Variants in EFHC1 observed in about 807,000 individuals in gnomAD.
EFHC1 encodes EF-hand domain-containing protein 1.
EFHC1 carries 53 observed loss-of-function variants against 69.9 expected under a neutral mutation model. That is an observed-to-expected ratio of 0.76 (90% CI 0.61 to 0.95). EFHC1 has a LOEUF of 0.95. Among genes scored for constraint, EFHC1 ranks in the 40% least tolerant of loss-of-function variants. The probability of loss-of-function intolerance (pLI) is 0.00; values close to 1 mark genes in which losing one functional copy is unlikely to be tolerated. For synonymous variants in EFHC1, 256 were observed against 278.4 expected (o/e 0.92, Z 0.80); for missense variants, 739 against 798.7 (o/e 0.93, Z 0.90).
In EFHC1 at chr6:52,497,058, A is replaced by G. The variant is rs976224130; in HGVS notation, c.*4717A>G. 1.3e-5 allele frequency: 2 copies of G among 152,188 alleles called. No homozygotes were observed. Among genetic ancestry groups the G allele is most frequent in the African/African-American group, 4.8e-5 (2 of 41,438 alleles). The allele number at this position is 152,188 out of a possible 1,614,324, so 9.4% of individuals were successfully genotyped here. On this transcript the variant is annotated 3_prime_UTR_variant, in exon 11 of 11. Transcript: ENST00000371068. ...CCCCATTTCCTCCAAGCTAAATAAC[A>G]TCATAGTATAGTAGGCATCAAGGAT...
At chr6:52,448,552 G>A (rs1221224762) in intron 3 of EFHC1, among the ~76,000 whole-genome samples, 1 of 151,978 alleles carries the variant, frequency 6.6e-6, no homozygotes, top group Non-Finnish European at 1.5e-5. Flanking sequence ...TGCTCCGTGG[G>A]CTGCACCCAC....
chr6:52,479,681 GT>G lies in EFHC1; in HGVS notation c.1538del (p.Leu513Ter), dbSNP rs1765629071. 3.1e-6 allele frequency: 5 copies of G among 1,614,194 alleles called. No individual in the cohort carries two copies. The East Asian group carries it at 1.1e-4, about 36-fold the overall frequency. Reference sequence around the variant, plus strand: ...CATCATCCTTGATACAGACGAGTATGTTTTGAAATACATGGAGAGCAACGCT... The same window carrying G: ...CATCATCCTTGATACAGACGAGTATGTTTGAAATACATGGAGAGCAACGCT... ...RFIILDTDEY[V>X]LKYMESNAAQ... is the part of the protein sequence containing the mutation. On this transcript the variant is annotated frameshift_variant, in exon 9 of 11. Coordinates refer to ENST00000371068, the MANE Select transcript of EFHC1 (RefSeq NM_018100.4). LOFTEE classifies it high-confidence loss of function.
At chr6:52,489,024 T>C (rs1364590559) in intron 9 of EFHC1, 1 of 152,264 alleles carries the variant, frequency 6.6e-6, no homozygotes, top group Non-Finnish European at 1.5e-5. Context: ...GCTGGACTTT[T>C]GCTTCATGTT....
intron 9 of EFHC1, chr6:52,481,851 G>T (rs1018929213): frequency 3.3e-5 from 5 of 152,106 alleles, no homozygotes; most frequent in African/African-American, 1.2e-4. Flanking sequence ...CTAAAGAAAA[G>T]AATGGCTCTA....
At chr6:52,424,808 C>T (rs1303482203) in intron 2 of EFHC1, among the ~76,000 whole-genome samples, 1 of 152,190 alleles carries the variant, frequency 6.6e-6, no homozygotes, top group Non-Finnish European at 1.5e-5. Context: ...TAGCCCTGAC[C>T]ATGTAGCAGA....
At chr6:52,478,997 C>G in intron 7 of EFHC1, 40 bp from the exon 8 acceptor site, 2 of 1,595,194 alleles carry the variant, frequency 1.3e-6, no homozygotes, top group Non-Finnish European at 1.7e-6. Context: ...CTGCATAGAC[C>G]ATGAACCTTC....
chr6:52,443,295 C>T (rs952726127), intron 3 of EFHC1, among the ~76,000 whole-genome samples: 7 of 152,102 alleles, frequency 4.6e-5, no homozygotes, highest in African/African-American at 1.7e-4. Context: ...AGTTTAATTA[C>T]ATCCCATTGG....
intron 10 of EFHC1, 95 bp downstream of exon 10, chr6:52,490,445 G>A: frequency 9.4e-7 from 1 of 1,063,956 alleles, no homozygotes; most frequent in South Asian, 1.3e-5. Flanking sequence ...CTACAACTGG[G>A]CCAGATTTAG....
chr6:52,486,969 A>G (rs991590282), intron 9 of EFHC1: 9 of 152,136 alleles, frequency 5.9e-5, no homozygotes, highest in African/African-American at 1.9e-4. Flanking sequence ...AGGCAATTAT[A>G]TGAGAGAATA....
chr6:52,471,565 A>C (rs1376625196), intron 7 of EFHC1, among the ~76,000 whole-genome samples: 1 of 152,190 alleles, frequency 6.6e-6, no homozygotes, highest in Non-Finnish European at 1.5e-5. Flanking sequence ...AGATACTGGC[A>C]CTATGAAACT....
intron 3 of EFHC1, among the ~76,000 whole-genome samples, chr6:52,445,084 T>C (rs1764750142): frequency 6.6e-6 from 1 of 151,082 alleles, no homozygotes; most frequent in African/African-American, 2.4e-5. Context: ...TTTTTTGGTG[T>C]AGAGGTGTTT....
chr6:52,462,885 CA>C (rs777016070), intron 5 of EFHC1, among the ~76,000 whole-genome samples: 7,785 of 85,348 alleles, frequency 0.091, 175 homozygotes, highest in South Asian at 0.15. Flanking sequence ...AAGACTGTCT[CA>C]AAAAAAAAAA....
intron 4 of EFHC1, chr6:52,453,224 A>T: frequency 7.7e-7 from 1 of 1,294,122 alleles, no homozygotes; most frequent in Non-Finnish European, 1.0e-6. Context: ...TTTCACAAAT[A>T]TGCATACATG....
At chr6:52,421,224 T>C (rs939281737) in intron 1 of EFHC1, among the ~76,000 whole-genome samples, 5 of 152,200 alleles carry the variant, frequency 3.3e-5, no homozygotes, top group African/African-American at 1.2e-4. Flanking sequence ...CAAAGCATCT[T>C]TCCCTGCTTT....
intron 5 of EFHC1, 100 bp from the exon 6 acceptor site, chr6:52,464,795 C>T (rs1243159636): frequency 2.1e-6 from 2 of 972,812 alleles, no homozygotes; most frequent in African/African-American, 1.6e-5. Flanking sequence ...CAAAAGACTG[C>T]ACTCCCTCAG....
intron 7 of EFHC1, among the ~76,000 whole-genome samples, chr6:52,474,193 A>G (rs979435861): frequency 5.9e-5 from 9 of 152,232 alleles, no homozygotes; most frequent in Non-Finnish European, 8.8e-5. Context: ...GCATGTGCCT[A>G]TAGTCCCAGT....
intron 9 of EFHC1, chr6:52,485,793 A>G (rs1765773684): frequency 6.6e-6 from 1 of 152,160 alleles, no homozygotes; most frequent in African/African-American, 2.4e-5. Context: ...TGTTGGTACC[A>G]TGTTCCTTAT....
At position 52,493,802 on chromosome 6, in the gene EFHC1, G is replaced by T; in HGVS notation, c.*1461G>T. 2.2e-6 allele frequency: 1 copy of T among 454,106 alleles called. No homozygotes were observed. Among genetic ancestry groups the T allele is most frequent in the Non-Finnish European group, 4.4e-6 (1 of 226,788 alleles). 28.1% of individuals were successfully genotyped at this position (454,106 alleles called of 1,614,324 possible). A position where few individuals can be genotyped will look rare whatever the true frequency, so the allele number is the denominator to read the frequency against. On this transcript the variant is annotated 3_prime_UTR_variant, in exon 11 of 11. Transcript: ENST00000371068. The stretch of plus-strand genomic sequence containing the variant: ...CTCTTTGGTTGAAGTCAGCCACTAA[G>T]TTCATCTTTAAACATGCTATCTCAA...
chr6:52,483,366 CAGAG>C (rs1271703403), intron 9 of EFHC1: 1 of 152,216 alleles, frequency 6.6e-6, no homozygotes, highest in East Asian at 1.9e-4. Context: ...AGGGCTCAGC[CAGAG>C]AGAGTTATTG....
Sources: allele counts gnomAD v4.1 joint callset (sites outside exome capture counted in the v4.1 genomes callset), GRCh38; gene constraint gnomAD v4.1.1; transcripts MANE v1.5; gene names NCBI Gene and HGNC (gene_info 2026-07-23, HGNC 2026-07-21).